The following EPB41L4A variants were observed in gnomAD, a reference collection of about 807,000 sequenced individuals.
EPB41L4A encodes the protein erythrocyte membrane protein band 4.1 like 4A.
Under a neutral mutation model 108.6 loss-of-function variants are expected in EPB41L4A, and 100 were observed. The ratio of observed to expected loss-of-function variants is 0.92; its 90% CI spans 0.78 to 1.09. The LOEUF (loss-of-function observed/expected upper bound fraction) is 1.09. EPB41L4A is among the 50% of genes least tolerant of loss of function. EPB41L4A has a pLI of 0.00. For missense variants in EPB41L4A, 1,030 were observed against 842.7 expected (o/e 1.22, Z -2.75); for synonymous variants, 319 against 289.0 (o/e 1.10, Z -1.05).
At chr5:112,385,529 T>C (rs1007062413) in intron 1 of EPB41L4A, among the ~76,000 whole-genome samples, 1 of 134,570 alleles carries the variant, frequency 7.4e-6, no homozygotes, top group Admixed American at 7.3e-5. Context: ...AAAAAAAAAG[T>C]AAATCCCATT....
At chr5:112,351,665 AAGAGAGAGAC>A (rs959944465) in intron 1 of EPB41L4A, among the ~76,000 whole-genome samples, 62 of 152,258 alleles carry the variant, frequency 4.1e-4, no homozygotes, top group African/African-American at 7.7e-4. Context: ...CAGCAACAAA[AAGAGAGAGAC>A]AGAGAGAGAC....
At chr5:112,169,949 C>T (rs1238794341) in intron 20 of EPB41L4A, 1 of 257,544 alleles carries the variant, frequency 3.9e-6, no homozygotes, top group Non-Finnish European at 7.3e-6. Context: ...TGGGACTGGG[C>T]TCATATGAGA....
downstream of EPB41L4A, chr5:112,160,895 G>A (rs574153834): frequency 1.5e-4 from 23 of 156,456 alleles, no homozygotes; most frequent in Admixed American, 1.0e-3. Flanking sequence ...GCTTGCTGTG[G>A]TTTTTGCTCT....
chr5:112,166,084 C>T (rs1204863912), intron 22 of EPB41L4A, among the ~76,000 whole-genome samples: 1 of 152,156 alleles, frequency 6.6e-6, no homozygotes, highest in East Asian at 1.9e-4. Flanking sequence ...GAAATAAGTA[C>T]TATGTTGTAA....
intron 1 of EPB41L4A, among the ~76,000 whole-genome samples, chr5:112,316,283 G>C (rs1755423523): frequency 6.6e-6 from 1 of 152,156 alleles, no homozygotes; most frequent in Non-Finnish European, 1.5e-5. Flanking sequence ...CCTTCACAAA[G>C]GGGAAATGAA....
intron 1 of EPB41L4A, among the ~76,000 whole-genome samples, chr5:112,330,235 G>A (rs1043694190): frequency 3.3e-5 from 5 of 151,758 alleles, no homozygotes; most frequent in African/African-American, 1.2e-4. Context: ...TTCATTTGCA[G>A]GGCAGTCCCT....
chr5:112,395,913 G>A (rs983154285), intron 1 of EPB41L4A, among the ~76,000 whole-genome samples: 1 of 152,188 alleles, frequency 6.6e-6, no homozygotes, highest in Non-Finnish European at 1.5e-5. Flanking sequence ...ATACTATGCA[G>A]CCATAAAAAA....
At chr5:112,349,100 A>G (rs1757871535) in intron 1 of EPB41L4A, among the ~76,000 whole-genome samples, 1 of 152,230 alleles carries the variant, frequency 6.6e-6, no homozygotes, top group Non-Finnish European at 1.5e-5. Context: ...CAAATCTGGC[A>G]TCGGAAGGTT....
chr5:112,262,373 T>A, intron 7 of EPB41L4A, 121 bp downstream of exon 7: 1 of 778,064 alleles, frequency 1.3e-6, no homozygotes. Flanking sequence ...GAAAAACAGA[T>A]AAAAAAGTAT....
intron 7 of EPB41L4A, among the ~76,000 whole-genome samples, chr5:112,262,278 T>A (rs564435589): frequency 6.6e-6 from 1 of 152,188 alleles, no homozygotes; most frequent in Admixed American, 6.5e-5. Context: ...GCCCACTTAA[T>A]TGTTTTCTAC....
chr5:112,144,756 G>T (rs1759187542), intron 13 of EPB41L4A, among the ~76,000 whole-genome samples: 1 of 152,130 alleles, frequency 6.6e-6, no homozygotes, highest in Non-Finnish European at 1.5e-5. Flanking sequence ...ATAGACATTG[G>T]GGCCATGGGT....
intron 1 of EPB41L4A, among the ~76,000 whole-genome samples, chr5:112,382,390 T>C (rs1760229129): frequency 6.6e-6 from 1 of 152,294 alleles, no homozygotes; most frequent in Middle Eastern, 3.4e-3. Context: ...ATGATATGAC[T>C]ATACCTGCAA....
At chr5:112,349,405 G>A (rs1208074087) in intron 1 of EPB41L4A, among the ~76,000 whole-genome samples, 1 of 152,166 alleles carries the variant, frequency 6.6e-6, no homozygotes, top group Admixed American at 6.5e-5. Context: ...GGAAGGAGGT[G>A]CAAAGAGTTT....
intron 12 of EPB41L4A, among the ~76,000 whole-genome samples, chr5:112,222,334 G>A (rs762230509): frequency 6.6e-6 from 1 of 152,136 alleles, no homozygotes; most frequent in Admixed American, 6.5e-5. Flanking sequence ...AAAGACCTGG[G>A]TTAGGATCCT....
At chr5:112,329,741 A>C (rs538803063) in intron 1 of EPB41L4A, among the ~76,000 whole-genome samples, 1 of 152,234 alleles carries the variant, frequency 6.6e-6, no homozygotes, top group African/African-American at 2.4e-5. Flanking sequence ...TACAGGAAAA[A>C]GGGGGTGTGA....
intron 1 of EPB41L4A, among the ~76,000 whole-genome samples, chr5:112,338,023 C>T (rs1202281386): frequency 6.6e-6 from 1 of 152,106 alleles, no homozygotes; most frequent in East Asian, 1.9e-4. Context: ...GCCTCCATCC[C>T]CTTAGGTTCA....
intron 1 of EPB41L4A, among the ~76,000 whole-genome samples, chr5:112,327,989 C>G (rs1204980330): frequency 1.3e-5 from 2 of 152,134 alleles, no homozygotes; most frequent in African/African-American, 4.8e-5. Flanking sequence ...TTGGGCATTA[C>G]AGTCCTTTAA....
At chr5:112,395,635 T>C (rs1761280155) in intron 1 of EPB41L4A, among the ~76,000 whole-genome samples, 1 of 152,202 alleles carries the variant, frequency 6.6e-6, no homozygotes, top group South Asian at 2.1e-4. Flanking sequence ...GGAACACTTT[T>C]ACACTGTTGG....
At chr5:112,360,134 G>C (rs1211134837) in intron 1 of EPB41L4A, among the ~76,000 whole-genome samples, 1 of 152,146 alleles carries the variant, frequency 6.6e-6, no homozygotes, top group Non-Finnish European at 1.5e-5. Flanking sequence ...ATTTGTAAAA[G>C]TAATTATCAG....
Sources: gnomAD v4.1 joint callset for allele counts (sites outside exome capture counted in the v4.1 genomes callset) on GRCh38, gnomAD v4.1.1 for gene constraint, MANE v1.5 for transcripts, NCBI Gene and HGNC (gene_info 2026-07-23, HGNC 2026-07-21) for gene names.